Variants in TCF7L2 observed in about 807,000 individuals in gnomAD.
TCF7L2 encodes the protein transcription factor 7 like 2.
TCF7L2 carries 23 observed loss-of-function variants against 77.9 expected under a neutral mutation model. The ratio of observed to expected loss-of-function variants is 0.30; its 90% CI spans 0.21 to 0.42. The LOEUF (loss-of-function observed/expected upper bound fraction) is 0.42, where lower values mean the gene tolerates loss of function less well. Ranked by LOEUF, TCF7L2 falls within the 10% of genes least tolerant of loss-of-function variation. TCF7L2 has a pLI of 1.00. For synonymous variants in TCF7L2, 413 were observed against 340.2 expected (o/e 1.21, Z -2.36); for missense variants, 654 against 793.1 (o/e 0.82, Z 2.11).
chr10:113,073,174 CAT>C (rs2058279788), intron 5 of TCF7L2, among the ~76,000 whole-genome samples: 1 of 147,216 alleles, frequency 6.8e-6, no homozygotes, highest in Non-Finnish European at 1.5e-5. Context: ...TAGAGAGAAA[CAT>C]AAAGGTGATC....
chr10:113,015,447 T>C (rs988339540), intron 4 of TCF7L2, among the ~76,000 whole-genome samples: 32 of 40,230 alleles, frequency 8.0e-4, no homozygotes, highest in African/African-American at 2.3e-3. Flanking sequence ...CCTGATGAGC[T>C]TTTTTTTTTT....
intron 3 of TCF7L2, among the ~76,000 whole-genome samples, chr10:112,959,292 A>T (rs2034469361): frequency 6.6e-6 from 1 of 152,104 alleles, no homozygotes; most frequent in Admixed American, 6.6e-5. Flanking sequence ...TTCTTAGAGA[A>T]TTTTGGTCTC....
At chr10:113,144,571 C>T (rs1390793620) in intron 7 of TCF7L2, among the ~76,000 whole-genome samples, 2 of 152,248 alleles carry the variant, frequency 1.3e-5, no homozygotes, top group East Asian at 3.9e-4. Context: ...ACATTACTCC[C>T]AAGGTTGACA....
At chr10:113,112,361 C>T (rs960755888) in intron 5 of TCF7L2, among the ~76,000 whole-genome samples, 18 of 152,202 alleles carry the variant, frequency 1.2e-4, no homozygotes, top group Non-Finnish European at 1.5e-4. Context: ...TGCACACATG[C>T]GTGCACACGC....
intron 11 of TCF7L2, among the ~76,000 whole-genome samples, chr10:113,153,309 C>G (rs1274462406): frequency 6.6e-6 from 1 of 152,228 alleles, no homozygotes; most frequent in African/African-American, 2.4e-5. Flanking sequence ...GATGAAATGC[C>G]TCTTGTTTTG....
chr10:113,038,532 G>A lies in TCF7L2; in HGVS notation c.451-1493G>A, dbSNP rs189229353. Among the ~76,000 whole-genome samples the A allele has an allele frequency of 3.9e-5, 6 of 152,284 alleles. No homozygotes were observed. In the East Asian group the frequency reaches 7.7e-4, roughly 20 times the overall value. ...AGCAGTCGTATCTTCGAGGAACTCC[G>A]TCGGCTGGCTTGTGGATGGCTTTGG... On this transcript the variant is annotated intron_variant, in intron 4 of 13. Coordinates refer to ENST00000627217, the MANE Select transcript of TCF7L2 (RefSeq NM_001146274.2).
intron 5 of TCF7L2, among the ~76,000 whole-genome samples, chr10:113,130,688 A>G (rs1451385431): frequency 1.3e-5 from 2 of 152,146 alleles, no homozygotes; most frequent in Admixed American, 6.5e-5. Flanking sequence ...CCCTTTTGCA[A>G]TATGAATTTG....
At chr10:113,138,472 C>T (rs1201185788) in intron 5 of TCF7L2, among the ~76,000 whole-genome samples, 1 of 152,108 alleles carries the variant, frequency 6.6e-6, no homozygotes, top group Non-Finnish European at 1.5e-5. Flanking sequence ...CGCTATCTTC[C>T]TCTTTTGTTG....
At chr10:113,089,549 C>T (rs773377571) in intron 5 of TCF7L2, 55 of 1,613,174 alleles carry the variant, frequency 3.4e-5, no homozygotes, top group Admixed American at 2.7e-4. Context: ...AGGTAGGTCT[C>T]GGAGCAGAAT....
chr10:113,114,567 A>G (rs1014971096), intron 5 of TCF7L2, among the ~76,000 whole-genome samples: 1 of 152,142 alleles, frequency 6.6e-6, no homozygotes, highest in African/African-American at 2.4e-5. Context: ...CTATCAGTCC[A>G]CATGGTTCAA....
At chr10:112,975,262 A>G (rs2039174261) in intron 4 of TCF7L2, among the ~76,000 whole-genome samples, 1 of 152,178 alleles carries the variant, frequency 6.6e-6, no homozygotes, top group South Asian at 2.1e-4. Context: ...TAAGGGGTGC[A>G]GCTAGGAAAA....
chr10:112,953,254 C>G (rs2032497387), intron 3 of TCF7L2, among the ~76,000 whole-genome samples: 1 of 152,230 alleles, frequency 6.6e-6, no homozygotes, highest in East Asian at 1.9e-4. Flanking sequence ...AATTATTCCC[C>G]CCCTGCCCGG....
intron 4 of TCF7L2, among the ~76,000 whole-genome samples, chr10:113,020,225 C>T (rs547635261): frequency 6.6e-6 from 1 of 152,300 alleles, no homozygotes; most frequent in South Asian, 2.1e-4. Flanking sequence ...ACGTGCCTGA[C>T]CTACTGGAGG....
In TCF7L2 at chr10:113,151,898, T is replaced by G; in HGVS notation, c.1161+14T>G. The G allele has an allele frequency of 6.3e-7, 1 of 1,589,202 alleles. No individual in the cohort carries two copies. The highest frequency in any genetic ancestry group is 1.4e-5 in the African/African-American group (1 of 73,348). On this transcript the variant is annotated intron_variant, in intron 10 of 13. Transcript: ENST00000627217. The surrounding 1 kb of genome is among the most constrained non-coding windows in gnomAD (Gnocchi z 5.2). ...CTTGGGCGGAGGGTAGGTGACGCCC[T>G]TCTCAGGGAGAAGCGGGGGGCGGGT...
At chr10:112,982,606 T>C (rs148529168) in intron 4 of TCF7L2, among the ~76,000 whole-genome samples, 58 of 152,316 alleles carry the variant, frequency 3.8e-4, no homozygotes, top group Non-Finnish European at 8.2e-4. Flanking sequence ...ATAAGAGTAG[T>C]CCAGAATACC....
chr10:113,117,415 CTCTCTCTCTCTCT>C (rs2063929920), intron 5 of TCF7L2, among the ~76,000 whole-genome samples: 1 of 46,588 alleles, frequency 2.1e-5, no homozygotes, highest in Non-Finnish European at 4.7e-5. Flanking sequence ...CTCTCTCTCT[CTCTCTCTCTCTCT>C]CTCTCCCTCT....
At chr10:113,070,497 G>A (rs945950402) in intron 5 of TCF7L2, among the ~76,000 whole-genome samples, 3 of 151,952 alleles carry the variant, frequency 2.0e-5, no homozygotes, top group African/African-American at 7.3e-5. Context: ...CGGGACCCGC[G>A]TCAAGGCTTT....
intron 5 of TCF7L2, among the ~76,000 whole-genome samples, chr10:113,051,735 A>T (rs1249875898): frequency 6.6e-6 from 1 of 152,182 alleles, no homozygotes; most frequent in Non-Finnish European, 1.5e-5. Context: ...AATTCTGAAA[A>T]TGAACTTTAG....
intron 4 of TCF7L2, among the ~76,000 whole-genome samples, chr10:112,997,359 A>G (rs993388669): frequency 1.3e-5 from 2 of 152,222 alleles, no homozygotes; most frequent in African/African-American, 4.8e-5. Flanking sequence ...TTCAAATAAC[A>G]TGAAGGGAGG....
Sources: allele counts gnomAD v4.1 joint callset (sites outside exome capture counted in the v4.1 genomes callset), GRCh38; gene constraint gnomAD v4.1.1; non-coding constraint Gnocchi (gnomAD v3.1); transcripts MANE v1.5; gene names NCBI Gene and HGNC (gene_info 2026-07-23, HGNC 2026-07-21).